The following SLC24A3 variants were observed in gnomAD, a reference collection of about 807,000 sequenced individuals.
The protein encoded by SLC24A3 is sodium/potassium/calcium exchanger 3.
In SLC24A3, 28 loss-of-function variants were observed where a neutral mutation model predicts 75.8. That is an observed-to-expected ratio of 0.37 (90% CI 0.27 to 0.51). SLC24A3 has a LOEUF of 0.51. Ranked by LOEUF, SLC24A3 falls within the 20% of genes least tolerant of loss-of-function variation. The pLI is 0.94. For synonymous variants in SLC24A3, 372 were observed against 334.1 expected, an observed-to-expected ratio of 1.11 and a Z score of -1.24; for missense variants, 663 against 847.8, an observed-to-expected ratio of 0.78 and a Z score of 2.71.
At chr20:19,460,543 A>G (rs1253219977) in intron 2 of SLC24A3, among the ~76,000 whole-genome samples, 1 of 152,176 alleles carries the variant, frequency 6.6e-6, no homozygotes, top group Non-Finnish European at 1.5e-5. Flanking sequence ...TGCAATGTGC[A>G]TGATGTCCTG....
At chr20:19,697,793 G>A (rs1280025918) in intron 14 of SLC24A3, among the ~76,000 whole-genome samples, 1 of 152,230 alleles carries the variant, frequency 6.6e-6, no homozygotes, top group Non-Finnish European at 1.5e-5. Context: ...GCAGTTGGAA[G>A]ATGACCCAGT....
chr20:19,529,465 C>A (rs551904469), intron 3 of SLC24A3, among the ~76,000 whole-genome samples: 19 of 152,312 alleles, frequency 1.2e-4, no homozygotes, highest in African/African-American at 4.3e-4. Context: ...TGGCCACTTT[C>A]AACCTGGGTC....
intron 2 of SLC24A3, among the ~76,000 whole-genome samples, chr20:19,305,617 G>T (rs1984306129): frequency 6.6e-6 from 1 of 151,940 alleles, no homozygotes; most frequent in Non-Finnish European, 1.5e-5. Context: ...AGCCACATCT[G>T]GTCTTCAAAA....
chr20:19,689,939 G>T (rs926853585), intron 12 of SLC24A3, among the ~76,000 whole-genome samples: 12 of 144,776 alleles, frequency 8.3e-5, no homozygotes, highest in African/African-American at 2.8e-4. Context: ...GCTGAGGCAG[G>T]AGAATCACTT....
intron 15 of SLC24A3, among the ~76,000 whole-genome samples, chr20:19,710,891 A>G (rs970921523): frequency 1.3e-5 from 2 of 152,264 alleles, no homozygotes; most frequent in Admixed American, 6.5e-5. Context: ...TTATGCCTCA[A>G]TTAAAAAGCA....
intron 9 of SLC24A3, among the ~76,000 whole-genome samples, chr20:19,681,118 G>A (rs1205142021): frequency 6.6e-6 from 1 of 152,186 alleles, no homozygotes; most frequent in South Asian, 2.1e-4. Context: ...TAGGGAGACT[G>A]TAAAAAACCA....
chr20:19,573,563 A>G (rs891039990), intron 3 of SLC24A3, among the ~76,000 whole-genome samples: 8 of 152,332 alleles, frequency 5.3e-5, no homozygotes, highest in Non-Finnish European at 8.8e-5. Flanking sequence ...CTTTCCTCAC[A>G]TAGTTAGAAA....
At chr20:19,447,252 A>G (rs960622448) in intron 2 of SLC24A3, among the ~76,000 whole-genome samples, 2 of 152,190 alleles carry the variant, frequency 1.3e-5, no homozygotes, top group Non-Finnish European at 2.9e-5. Context: ...AAAATGGCCA[A>G]TGTAGTCAGT....
chr20:19,538,210 C>T (rs968314742), intron 3 of SLC24A3, among the ~76,000 whole-genome samples: 3 of 152,026 alleles, frequency 2.0e-5, no homozygotes, highest in African/African-American at 7.2e-5. Flanking sequence ...CTATGTCCTG[C>T]TAGACATGTT....
intron 2 of SLC24A3, among the ~76,000 whole-genome samples, chr20:19,422,444 A>G (rs1986933064): frequency 1.3e-5 from 2 of 152,278 alleles, no homozygotes; most frequent in South Asian, 4.1e-4. Context: ...GGCCTGATGT[A>G]TCCCAGAAAG....
rs554801314 is a variant in SLC24A3, at chr20:19,721,628, ATTG to A, written c.*491_*493del. On this transcript the variant is annotated 3_prime_UTR_variant, in exon 17 of 17. Coordinates refer to ENST00000328041, the MANE Select transcript of SLC24A3 (RefSeq NM_020689.4). ...TGCCTAGGTTACTGGGTTTGGGGGG[ATTG>A]TTTTCTTTTGGGGGCCTTCCCCTTT... 2.4e-3 allele frequency: 370 copies of A among 152,508 alleles called. 1 individual carries two copies. The highest frequency in any genetic ancestry group is 0.01 in the Admixed American group (154 of 15,298). The allele number at this position is 152,508 out of a possible 1,614,324, so 9.4% of individuals were successfully genotyped here.
chr20:19,404,230 C>T (rs1229241066), intron 2 of SLC24A3, among the ~76,000 whole-genome samples: 1 of 152,192 alleles, frequency 6.6e-6, no homozygotes, highest in Non-Finnish European at 1.5e-5. Flanking sequence ...CTGGGAATAT[C>T]TCGGTTAACA....
chr20:19,710,653 A>G (rs2032977765), intron 15 of SLC24A3, among the ~76,000 whole-genome samples: 1 of 152,210 alleles, frequency 6.6e-6, no homozygotes, highest in African/African-American at 2.4e-5. Context: ...ATCTAGTTCA[A>G]CACTGTGCAG....
chr20:19,301,987 C>A (rs180939293), intron 2 of SLC24A3, among the ~76,000 whole-genome samples: 1 of 152,362 alleles, frequency 6.6e-6, no homozygotes, highest in Admixed American at 6.5e-5. Flanking sequence ...TTGTTGAGTG[C>A]CTCCTTGGAG....
intron 6 of SLC24A3, among the ~76,000 whole-genome samples, chr20:19,589,979 T>C (rs1192941276): frequency 1.3e-5 from 2 of 152,078 alleles, no homozygotes; most frequent in African/African-American, 4.8e-5. Context: ...GATGTTATCA[T>C]TGCATTCTTA....
chr20:19,220,990 A>T (rs1177920718), intron 1 of SLC24A3, among the ~76,000 whole-genome samples: 2 of 152,172 alleles, frequency 1.3e-5, no homozygotes, highest in African/African-American at 2.4e-5. Flanking sequence ...ATGTGAATAT[A>T]TGTGTTTTTC....
chr20:19,544,432 A>T (rs1269832142), intron 3 of SLC24A3, among the ~76,000 whole-genome samples: 1 of 152,200 alleles, frequency 6.6e-6, no homozygotes, highest in Non-Finnish European at 1.5e-5. Context: ...GAATCAACAG[A>T]GAGCTCGAAA....
chr20:19,418,158 G>A (rs1244294892), intron 2 of SLC24A3, among the ~76,000 whole-genome samples: 1 of 152,148 alleles, frequency 6.6e-6, no homozygotes, highest in Non-Finnish European at 1.5e-5. Flanking sequence ...AAAGGGAATG[G>A]CAGAAACCAA....
chr20:19,281,729 C>T (rs576626124), intron 2 of SLC24A3, among the ~76,000 whole-genome samples: 1 of 152,258 alleles, frequency 6.6e-6, no homozygotes, highest in East Asian at 1.9e-4. Context: ...TGAATGAAGT[C>T]CCTGAAGGTT....
Sources: allele counts gnomAD v4.1 joint callset (sites outside exome capture counted in the v4.1 genomes callset), GRCh38; gene constraint gnomAD v4.1.1; transcripts MANE v1.5; gene names NCBI Gene and HGNC (gene_info 2026-07-23, HGNC 2026-07-21).